Variants in TAFA1 observed in about 807,000 individuals in gnomAD.
The protein encoded by TAFA1 is TAFA chemokine like family member 1.
Under a neutral mutation model 18.5 loss-of-function variants are expected in TAFA1, and 4 were observed. That is an observed-to-expected ratio of 0.22 (90% CI 0.11 to 0.49). The LOEUF (loss-of-function observed/expected upper bound fraction) is 0.49. Ranked by LOEUF, TAFA1 falls within the 20% of genes least tolerant of loss-of-function variation. The pLI, the probability that TAFA1 is intolerant of heterozygous loss-of-function variation, is 0.98. For missense variants in TAFA1, 147 were observed against 169.0 expected, an observed-to-expected ratio of 0.87 and a Z score of 0.72; for synonymous variants, 56 against 55.2, an observed-to-expected ratio of 1.01 and a Z score of -0.06.
At chr3:68,110,121 T>A (rs2106834548) in intron 2 of TAFA1, among the ~76,000 whole-genome samples, 1 of 152,240 alleles carries the variant, frequency 6.6e-6, no homozygotes, top group East Asian at 1.9e-4. Flanking sequence ...TTTGTGATGA[T>A]CTCCCCCAAC....
chr3:68,464,341 A>G (rs1009920439), intron 3 of TAFA1, among the ~76,000 whole-genome samples: 1 of 152,218 alleles, frequency 6.6e-6, no homozygotes, highest in African/African-American at 2.4e-5. Flanking sequence ...AGGAAAACAA[A>G]ACCAGGTAGA....
At chr3:68,233,889 T>A (rs2107121329) in intron 2 of TAFA1, among the ~76,000 whole-genome samples, 1 of 152,278 alleles carries the variant, frequency 6.6e-6, no homozygotes, top group South Asian at 2.1e-4. Context: ...CAATTTTTAA[T>A]GTCTAGAGCA....
rs553899543 is a variant in TAFA1, at chr3:68,113,021, C to T, written c.118+106277C>T. Among the ~76,000 whole-genome samples, 13 of 152,114 alleles carry T rather than the reference C, an allele frequency of 8.5e-5. No homozygotes were observed. The South Asian group carries it at 1.2e-3, about 15-fold the overall frequency. On this transcript the variant is annotated intron_variant, in intron 2 of 4. Coordinates refer to ENST00000478136, the MANE Select transcript of TAFA1 (RefSeq NM_213609.4). ...TTAGATTACTTTTTACACTCAATGTCGTGTATCAGTAACTTGGCAGGTAGA... is the reference window on the plus strand; with the variant it reads ...TTAGATTACTTTTTACACTCAATGTTGTGTATCAGTAACTTGGCAGGTAGA...
At chr3:68,369,352 C>T (rs2069635126) in intron 2 of TAFA1, among the ~76,000 whole-genome samples, 1 of 152,162 alleles carries the variant, frequency 6.6e-6, no homozygotes, top group Non-Finnish European at 1.5e-5. Flanking sequence ...AAAGGTGATG[C>T]ATTGGCTGGC....
At chr3:68,523,089 A>C (rs1287767687) in intron 3 of TAFA1, among the ~76,000 whole-genome samples, 1 of 152,222 alleles carries the variant, frequency 6.6e-6, no homozygotes, top group East Asian at 1.9e-4. Context: ...AAAATAAATA[A>C]ATAAATAAAG....
intron 2 of TAFA1, among the ~76,000 whole-genome samples, chr3:68,112,797 A>C (rs1215961467): frequency 1.3e-5 from 2 of 152,154 alleles, no homozygotes; most frequent in East Asian, 3.8e-4. Context: ...AAAAAAATGA[A>C]TTAAAAATAC....
At chr3:68,108,489 A>G (rs1300996985) in intron 2 of TAFA1, among the ~76,000 whole-genome samples, 10 of 151,096 alleles carry the variant, frequency 6.6e-5, no homozygotes, top group Non-Finnish European at 1.2e-4. Context: ...TAAAGTAGTG[A>G]ATTAAGCATT....
intron 3 of TAFA1, among the ~76,000 whole-genome samples, chr3:68,480,912 C>G (rs542573326): frequency 2.0e-5 from 3 of 152,042 alleles, no homozygotes; most frequent in Non-Finnish European, 2.9e-5. Context: ...GTGAATAAGT[C>G]TAAGGAGATA....
chr3:68,235,797 T>C (rs1261205563), intron 2 of TAFA1, among the ~76,000 whole-genome samples: 1 of 152,146 alleles, frequency 6.6e-6, no homozygotes, highest in East Asian at 1.9e-4. Flanking sequence ...AGTGCAAACC[T>C]GGTGCTTCAG....
In TAFA1 at chr3:68,456,986, G is replaced by A. The variant is rs146838890; in HGVS notation, c.259+39566G>A. ...TGTTATCCAAGGTTTATGATACTGC[G>A]CTAAGCATGATGAAAAATTCAGAAG... On this transcript the variant is annotated intron_variant, in intron 3 of 4. Transcript: ENST00000478136. Among the ~76,000 whole-genome samples, 559 of 152,226 alleles carry A rather than the reference G, an allele frequency of 3.7e-3. 2 individuals are homozygous for A. Among genetic ancestry groups the A allele is most frequent in the Non-Finnish European group, 3.6e-3 (243 of 68,016 alleles).
At chr3:68,409,217 A>G (rs963063204) in intron 2 of TAFA1, among the ~76,000 whole-genome samples, 1 of 152,040 alleles carries the variant, frequency 6.6e-6, no homozygotes, top group African/African-American at 2.4e-5. Flanking sequence ...CCCCCTTAGC[A>G]TATTTTCTTC....
chr3:68,055,582 A>C (rs2064526159), intron 2 of TAFA1, among the ~76,000 whole-genome samples: 1 of 152,064 alleles, frequency 6.6e-6, no homozygotes, highest in Non-Finnish European at 1.5e-5. Flanking sequence ...ACAGATCTTG[A>C]GGAAGGCAAG....
Position 68,386,637 on chromosome 3 carries a change from G to T in TAFA1, c.119-30643G>T, listed in dbSNP as rs188677886. Among the ~76,000 whole-genome samples the T allele has an allele frequency of 2.0e-5, 3 of 152,162 alleles. No individual in the cohort carries two copies. The East Asian group carries it at 5.8e-4, about 29-fold the overall frequency. Reference sequence around the variant, plus strand: ...TTCCCTTCCCTGGAGAGAACTGTTTGCCTTCACCAAGAATGCTGGCTCCAG... The same window carrying T: ...TTCCCTTCCCTGGAGAGAACTGTTTTCCTTCACCAAGAATGCTGGCTCCAG... On this transcript the variant is annotated intron_variant, in intron 2 of 4. Coordinates refer to ENST00000478136, the MANE Select transcript of TAFA1 (RefSeq NM_213609.4).
chr3:68,078,715 G>C (rs1246059118), intron 2 of TAFA1, among the ~76,000 whole-genome samples: 2 of 152,142 alleles, frequency 1.3e-5, no homozygotes, highest in Non-Finnish European at 2.9e-5. Flanking sequence ...CGGTTTGCCA[G>C]TATTTTATTG....
chr3:68,247,267 G>C (rs2107149724), intron 2 of TAFA1: 1 of 151,880 alleles, frequency 6.6e-6, no homozygotes, highest in Non-Finnish European at 1.5e-5. Flanking sequence ...CTTCCTTTTT[G>C]CTAGGAATTT....
At chr3:68,533,644 G>A (rs2106779781) in intron 3 of TAFA1, among the ~76,000 whole-genome samples, 1 of 152,296 alleles carries the variant, frequency 6.6e-6, no homozygotes, top group Middle Eastern at 3.4e-3. Context: ...AGAGGAAGAA[G>A]TCTAATATGC....
At chr3:68,365,110 A>G (rs1366416871) in intron 2 of TAFA1, among the ~76,000 whole-genome samples, 1 of 152,226 alleles carries the variant, frequency 6.6e-6, no homozygotes, top group African/African-American at 2.4e-5. Flanking sequence ...GTAGCAGTTC[A>G]TATACACTAA....
intron 2 of TAFA1, among the ~76,000 whole-genome samples, chr3:68,131,824 G>C (rs1267088426): frequency 2.0e-5 from 3 of 152,064 alleles, no homozygotes; most frequent in Admixed American, 6.6e-5. Context: ...CTTAGTTTCT[G>C]TGTCTCAGCT....
At chr3:68,390,414 A>G (rs939485113) in intron 2 of TAFA1, among the ~76,000 whole-genome samples, 2 of 152,232 alleles carry the variant, frequency 1.3e-5, no homozygotes, top group Non-Finnish European at 2.9e-5. Context: ...GGGAAGGGGC[A>G]GCTGTGGGGA....
Sources: allele counts gnomAD v4.1 joint callset (sites outside exome capture counted in the v4.1 genomes callset), GRCh38; gene constraint gnomAD v4.1.1; transcripts MANE v1.5; gene names NCBI Gene and HGNC (gene_info 2026-07-23, HGNC 2026-07-21).